EAF2: variants seen among roughly 807,000 people sequenced by gnomAD.
The protein encoded by EAF2 is ELL associated factor 2, also known as ELL-associated factor 2.
A neutral mutation model predicts 29.4 loss-of-function variants in EAF2; 29 were observed. The ratio of observed to expected loss-of-function variants is 0.99; its 90% CI spans 0.73 to 1.35. The LOEUF (loss-of-function observed/expected upper bound fraction) is 1.35, where lower values mean the gene tolerates loss of function less well. Among genes scored for constraint, EAF2 ranks in the 40% most tolerant of loss-of-function variants. The probability of loss-of-function intolerance (pLI) is 0.00; values close to 1 mark genes in which losing one functional copy is unlikely to be tolerated. For missense variants in EAF2, 292 were observed against 312.0 expected (o/e 0.94, Z 0.48); for synonymous variants, 103 against 102.5 (o/e 1.00, Z -0.03).
intron 2 of EAF2, among the ~76,000 whole-genome samples, chr3:121,852,074 C>A (rs1708644644): frequency 6.6e-6 from 1 of 152,170 alleles, no homozygotes; most frequent in East Asian, 1.9e-4. Flanking sequence ...TACTTATGAC[C>A]AGAAATTGTC....
chr3:121,870,096 C>A (rs1418157601), intron 4 of EAF2, among the ~76,000 whole-genome samples: 6 of 151,744 alleles, frequency 4.0e-5, no homozygotes, highest in African/African-American at 9.7e-5. Flanking sequence ...GTCTACCAAA[C>A]ATTTAAAGAG....
chr3:121,882,722 GAT>G (rs1235262028), intron 5 of EAF2, among the ~76,000 whole-genome samples: 1 of 150,656 alleles, frequency 6.6e-6, no homozygotes, highest in Non-Finnish European at 1.5e-5. Flanking sequence ...AGATGCAAAA[GAT>G]ATATGCGAAA....
chr3:121,864,200 G>T (rs1216397336), intron 4 of EAF2, among the ~76,000 whole-genome samples: 1 of 152,124 alleles, frequency 6.6e-6, no homozygotes, highest in Non-Finnish European at 1.5e-5. Flanking sequence ...TGGCTGCAGT[G>T]AGACCCTGGT....
chr3:121,857,193 G>T (rs1409515048), intron 4 of EAF2, 37 bp downstream of exon 4: 5 of 1,552,164 alleles, frequency 3.2e-6, no homozygotes, highest in Non-Finnish European at 4.4e-6. Flanking sequence ...CTTTATAAGA[G>T]ATAATTAAGA....
chr3:121,853,156 T>C (rs1708660950), intron 2 of EAF2, among the ~76,000 whole-genome samples: 2 of 152,196 alleles, frequency 1.3e-5, no homozygotes, highest in South Asian at 2.1e-4. Flanking sequence ...CAATGTGCCA[T>C]TTCATCAATG....
chr3:121,857,234 C>G, intron 4 of EAF2, 78 bp downstream of exon 4: 2 of 1,323,980 alleles, frequency 1.5e-6, no homozygotes, highest in Non-Finnish European at 2.1e-6. Flanking sequence ...TGGCTCACAC[C>G]TGTAATCCCA....
At chr3:121,837,513 G>A (rs1302029532) in intron 1 of EAF2, 1 of 152,104 alleles carries the variant, frequency 6.6e-6, no homozygotes, top group Non-Finnish European at 1.5e-5. Flanking sequence ...GTGACTTTGG[G>A]AACATTCTCT....
intron 2 of EAF2, among the ~76,000 whole-genome samples, chr3:121,846,631 A>G (rs114172191): frequency 7.9e-5 from 12 of 152,224 alleles, no homozygotes; most frequent in Admixed American, 2.6e-4. Context: ...AACAACAACA[A>G]CAACAAACAG....
chr3:121,881,415 T>C (rs1005761629), intron 5 of EAF2, among the ~76,000 whole-genome samples: 1 of 152,172 alleles, frequency 6.6e-6, no homozygotes, highest in South Asian at 2.1e-4. Flanking sequence ...ATGTTTTCTA[T>C]TTTTTCTTGG....
At chr3:121,853,481 A>G (rs1347543179) in intron 2 of EAF2, among the ~76,000 whole-genome samples, 5 of 151,992 alleles carry the variant, frequency 3.3e-5, no homozygotes, top group African/African-American at 1.2e-4. Context: ...TGCAGTGGCT[A>G]TTCACGGGTG....
intron 2 of EAF2, among the ~76,000 whole-genome samples, chr3:121,853,352 A>G (rs968950248): frequency 2.6e-5 from 4 of 152,184 alleles, no homozygotes; most frequent in Non-Finnish European, 4.4e-5. Flanking sequence ...TCTACATTGT[A>G]TTTGAATATT....
intron 4 of EAF2, among the ~76,000 whole-genome samples, chr3:121,869,945 G>A (rs1324418099): frequency 1.3e-5 from 2 of 152,074 alleles, no homozygotes; most frequent in African/African-American, 4.8e-5. Context: ...CAGTTTAGAG[G>A]AAATGGACTA....
chr3:121,872,792 A>C lies in EAF2; in HGVS notation c.736+4A>C. On this transcript the variant is annotated splice_donor_region_variant and intron_variant, in intron 5 of 5. Transcript: ENST00000273668. Reference sequence around the variant, plus strand: ...GGCCTTCTGATGAATACTTTAAGTAAGTATACATAAACACAGGCAATTGGA... The same window carrying C: ...GGCCTTCTGATGAATACTTTAAGTACGTATACATAAACACAGGCAATTGGA... 1 of 1,605,216 alleles carries C rather than the reference A, an allele frequency of 6.2e-7. No homozygotes were observed. Among genetic ancestry groups the C allele is most frequent in the South Asian group, 1.1e-5 (1 of 89,846 alleles).
At chr3:121,861,716 A>G (rs1708836694) in intron 4 of EAF2, among the ~76,000 whole-genome samples, 1 of 152,104 alleles carries the variant, frequency 6.6e-6, no homozygotes, top group Non-Finnish European at 1.5e-5. Flanking sequence ...TGTCATTATG[A>G]TGTTAGCTGG....
At chr3:121,870,271 A>G (rs1708989148) in intron 4 of EAF2, among the ~76,000 whole-genome samples, 2 of 152,172 alleles carry the variant, frequency 1.3e-5, no homozygotes, top group African/African-American at 2.4e-5. Flanking sequence ...TAAACTCAAA[A>G]ATTATCAATG....
At chr3:121,865,077 T>G (rs1708900535) in intron 4 of EAF2, among the ~76,000 whole-genome samples, 1 of 152,118 alleles carries the variant, frequency 6.6e-6, no homozygotes, top group African/African-American at 2.4e-5. Flanking sequence ...GAGGCCTTAA[T>G]AAAAGCATTG....
intron 4 of EAF2, among the ~76,000 whole-genome samples, chr3:121,866,282 G>A (rs931077407): frequency 5.9e-5 from 9 of 152,134 alleles, no homozygotes; most frequent in Non-Finnish European, 1.0e-4. Context: ...CTCTGAAAAC[G>A]AGATTGTCAT....
chr3:121,840,645 A>G (rs895667682), intron 1 of EAF2, among the ~76,000 whole-genome samples: 3 of 151,716 alleles, frequency 2.0e-5, no homozygotes, highest in African/African-American at 7.3e-5. Context: ...CTCTACTAAA[A>G]GTACAAAAAA....
chr3:121,840,588 G>T (rs1708400575), intron 1 of EAF2, among the ~76,000 whole-genome samples: 1 of 150,376 alleles, frequency 6.6e-6, no homozygotes, highest in African/African-American at 2.4e-5. Flanking sequence ...GGCAGATCAT[G>T]AGGTCAGGAG....
Sources: allele counts gnomAD v4.1 joint callset (sites outside exome capture counted in the v4.1 genomes callset), GRCh38; gene constraint gnomAD v4.1.1; transcripts MANE v1.5; gene names NCBI Gene and HGNC (gene_info 2026-07-23, HGNC 2026-07-21).